Variants in PARN observed in about 807,000 individuals in gnomAD.
PARN encodes poly(A)-specific ribonuclease PARN.
Under a neutral mutation model 102.8 loss-of-function variants are expected in PARN, and 71 were observed. The ratio of observed to expected loss-of-function variants is 0.69; its 90% CI spans 0.57 to 0.84. The LOEUF is 0.84. PARN is among the 40% of genes least tolerant of loss of function. The pLI is 0.00. For missense variants in PARN, 782 were observed against 760.9 expected (o/e 1.03, Z -0.33); for synonymous variants, 261 against 252.9 (o/e 1.03, Z -0.30).
chr16:14,555,322 C>A (rs555566198), intron 19 of PARN, among the ~76,000 whole-genome samples: 2 of 152,206 alleles, frequency 1.3e-5, no homozygotes, highest in Admixed American at 1.3e-4. Context: ...AGAAATTTTA[C>A]CAAGATAACT....
At chr16:14,458,645 A>C (rs1194670588) in intron 22 of PARN, among the ~76,000 whole-genome samples, 1 of 152,140 alleles carries the variant, frequency 6.6e-6, no homozygotes, top group Non-Finnish European at 1.5e-5. Flanking sequence ...CAAAAGGCAG[A>C]TTCACCCAAT....
intron 12 of PARN, among the ~76,000 whole-genome samples, 157 bp from the exon 13 acceptor site, chr16:14,593,535 C>G (rs1011830881): frequency 1.2e-5 from 1 of 86,146 alleles, no homozygotes; most frequent in Non-Finnish European, 2.4e-5. Flanking sequence ...TACAAATAAG[C>G]TAATTTGGGC....
intron 21 of PARN, among the ~76,000 whole-genome samples, chr16:14,513,620 G>A (rs982982058): frequency 2.6e-5 from 4 of 152,176 alleles, no homozygotes; most frequent in South Asian, 4.1e-4. Flanking sequence ...TCCCCTGCCC[G>A]CACAATACTG....
At chr16:14,508,695 A>C (rs1965027934) in intron 21 of PARN, among the ~76,000 whole-genome samples, 1 of 151,632 alleles carries the variant, frequency 6.6e-6, no homozygotes, top group Admixed American at 6.6e-5. Flanking sequence ...AATTTCCAAC[A>C]TTTGATAGAA....
chr16:14,593,635 A>C (rs1220285038), intron 12 of PARN, among the ~76,000 whole-genome samples: 2 of 151,718 alleles, frequency 1.3e-5, no homozygotes, highest in African/African-American at 2.4e-5. Flanking sequence ...CTTTTTCTTG[A>C]ATTTTTATTA....
chr16:14,499,019 A>C (rs970890720), intron 21 of PARN, among the ~76,000 whole-genome samples: 3 of 152,210 alleles, frequency 2.0e-5, no homozygotes, highest in Non-Finnish European at 4.4e-5. Context: ...TTGAAGTCCC[A>C]TCCTGCCTGG....
chr16:14,498,398 C>T (rs776297956), intron 21 of PARN, among the ~76,000 whole-genome samples: 8 of 152,106 alleles, frequency 5.3e-5, no homozygotes, highest in African/African-American at 1.2e-4. Flanking sequence ...TCCCTTTAAC[C>T]GTCCCTTGCC....
intron 13 of PARN, among the ~76,000 whole-genome samples, chr16:14,589,491 G>T (rs1196270486): frequency 2.6e-5 from 4 of 152,050 alleles, no homozygotes; most frequent in East Asian, 3.9e-4. Flanking sequence ...CTTGAGCCCA[G>T]GGAGTTGAGG....
intron 21 of PARN, among the ~76,000 whole-genome samples, chr16:14,507,664 G>A (rs1964967049): frequency 6.6e-6 from 1 of 151,998 alleles, no homozygotes. Context: ...ACTCCAGCCT[G>A]GGTGACAGGG....
At chr16:14,496,402 C>A (rs74834029) in intron 21 of PARN, among the ~76,000 whole-genome samples, 4,740 of 151,614 alleles carry the variant, frequency 0.031, 144 homozygotes, top group African/African-American at 0.078. Context: ...GGGAGTTTGG[C>A]AAAAAGTTTA....
chr16:14,512,039 G>C (rs1230489577), intron 21 of PARN, among the ~76,000 whole-genome samples: 1 of 151,900 alleles, frequency 6.6e-6, no homozygotes, highest in Non-Finnish European at 1.5e-5. Context: ...AAGTCTCTAG[G>C]GTCTAAAAAT....
At chr16:14,584,646 G>A in intron 15 of PARN, 103 bp downstream of exon 15, 2 of 835,614 alleles carry the variant, frequency 2.4e-6, no homozygotes, top group Non-Finnish European at 2.0e-6. Flanking sequence ...CTTTACAGAT[G>A]CATTAAATAC....
At position 14,438,451 on chromosome 16, in the gene PARN, G is replaced by GGT. The variant is rs1555475685; in HGVS notation, c.1865-1681_1865-1680dup. On this transcript the variant is annotated intron_variant, in intron 23 of 23. Transcript: ENST00000437198. ...GCACCTGCCATTAGTTGGGGGGGGG[G>GGT]GTGTGTGAGTGCACAGTGAGCCACC... Among the ~76,000 whole-genome samples the GGT allele has an allele frequency of 4.3e-4, 64 of 149,072 alleles. 1 individual carries two copies. The highest frequency in any genetic ancestry group is 4.3e-4 in the Non-Finnish European group (29 of 67,224).
At chr16:14,477,614 A>T (rs1164327005) in intron 22 of PARN, among the ~76,000 whole-genome samples, 1 of 151,086 alleles carries the variant, frequency 6.6e-6, no homozygotes, top group Non-Finnish European at 1.5e-5. Context: ...CATCTCTACT[A>T]AAAATCGAAA....
chr16:14,494,758 G>A (rs1964228525), intron 21 of PARN, among the ~76,000 whole-genome samples: 1 of 152,198 alleles, frequency 6.6e-6, no homozygotes, highest in African/African-American at 2.4e-5. Flanking sequence ...GGACGCCAGG[G>A]TAATAAATAT....
intron 22 of PARN, 70 bp from the exon 23 acceptor site, chr16:14,447,151 T>A (rs1961241344): frequency 2.0e-6 from 2 of 996,628 alleles, no homozygotes; most frequent in African/African-American, 1.6e-5. Context: ...ATAAAAATAT[T>A]TTAATACTCT....
intron 21 of PARN, among the ~76,000 whole-genome samples, chr16:14,530,664 C>T (rs1449794322): frequency 2.6e-5 from 4 of 152,164 alleles, no homozygotes; most frequent in Non-Finnish European, 4.4e-5. Flanking sequence ...GAGTGCAACC[C>T]TCACTGGGTG....
intron 3 of PARN, 131 bp from the exon 4 acceptor site, chr16:14,627,467 T>C: frequency 4.6e-6 from 3 of 649,352 alleles, no homozygotes; most frequent in Non-Finnish European, 8.3e-6. Flanking sequence ...TAGAACAGAT[T>C]ACACATATGA....
At chr16:14,553,413 T>C (rs185801691) in intron 20 of PARN, among the ~76,000 whole-genome samples, 4 of 152,334 alleles carry the variant, frequency 2.6e-5, no homozygotes, top group Admixed American at 2.6e-4. Context: ...GGCTACATAC[T>C]AGAAGATACA....
Sources: gnomAD v4.1 joint callset for allele counts (sites outside exome capture counted in the v4.1 genomes callset) on GRCh38, gnomAD v4.1.1 for gene constraint, MANE v1.5 for transcripts, NCBI Gene and HGNC (gene_info 2026-07-23, HGNC 2026-07-21) for gene names.